PRKN: variants seen among roughly 807,000 people sequenced by gnomAD.
The protein encoded by PRKN is parkin RBR E3 ubiquitin protein ligase.
Under a neutral mutation model 59.5 loss-of-function variants are expected in PRKN, and 56 were observed. The observed-to-expected ratio is 0.94, with a 90% CI of 0.76 to 1.18. The LOEUF (loss-of-function observed/expected upper bound fraction) is 1.18, where lower values mean the gene tolerates loss of function less well. Among genes scored for constraint, PRKN ranks in the 50% most tolerant of loss-of-function variants. The pLI is 0.00. For missense variants in PRKN, 657 were observed against 596.4 expected, an observed-to-expected ratio of 1.10 and a Z score of -1.06; for synonymous variants, 250 against 222.1, an observed-to-expected ratio of 1.13 and a Z score of -1.12.
At chr6:161,721,913 T>A (rs1244669019) in intron 7 of PRKN, among the ~76,000 whole-genome samples, 1 of 152,208 alleles carries the variant, frequency 6.6e-6, no homozygotes, top group Non-Finnish European at 1.5e-5. Context: ...CAGGTCCGGA[T>A]AAAATGAGAA....
chr6:161,486,807 T>A (rs1562481303), intron 9 of PRKN, among the ~76,000 whole-genome samples: 3 of 152,216 alleles, frequency 2.0e-5, no homozygotes, highest in Admixed American at 6.5e-5. Context: ...TTAATATTAA[T>A]TTAAAGCACC....
rs925388930 is a variant in PRKN at position 161,419,562 on chromosome 6, A to AT, written c.1084-32686dup. 6.6e-6 allele frequency among the ~76,000 whole-genome samples: 1 copy of AT among 150,666 alleles called. No homozygotes were observed. The highest frequency in any genetic ancestry group is 1.5e-5 in the Non-Finnish European group (1 of 67,702). On this transcript the variant is annotated intron_variant, in intron 9 of 11. Transcript: ENST00000366898. This position sits in a 1 kb window ranked among gnomAD's most constrained non-coding sequence, Gnocchi z 4.1. ...GCCACTGCGCCTGGCTAATTTTTGTATTTTTTTAAAAAACGGGGTTTCACC... is the reference window on the plus strand; with the variant it reads ...GCCACTGCGCCTGGCTAATTTTTGTATTTTTTTTAAAAAACGGGGTTTCACC...
chr6:162,518,599 T>A (rs1777962048), intron 1 of PRKN, among the ~76,000 whole-genome samples: 1 of 152,116 alleles, frequency 6.6e-6, no homozygotes, highest in African/African-American at 2.4e-5. Flanking sequence ...ACTCCTGACC[T>A]CAAGTGATCC....
intron 7 of PRKN, among the ~76,000 whole-genome samples, chr6:161,570,124 T>TAAAAAAAAAAAAA (rs55699586): frequency 3.9e-5 from 2 of 51,442 alleles, no homozygotes; most frequent in African/African-American, 8.3e-5. Context: ...AGTAAATAGG[T>TAAAAAAAAAAAAA]AAAAAAAAAA....
At chr6:161,613,334 T>C (rs373361410) in intron 7 of PRKN, among the ~76,000 whole-genome samples, 3 of 151,914 alleles carry the variant, frequency 2.0e-5, no homozygotes, top group African/African-American at 7.2e-5. Flanking sequence ...AAACATGAAC[T>C]GATCAGGAGT....
intron 1 of PRKN, among the ~76,000 whole-genome samples, chr6:162,452,107 A>T (rs1790655160): frequency 6.6e-6 from 1 of 152,240 alleles, no homozygotes; most frequent in Non-Finnish European, 1.5e-5. Flanking sequence ...GGAAGAAAAC[A>T]AAAAGCAAAA....
At chr6:162,670,881 T>C (rs1027647280) in intron 1 of PRKN, among the ~76,000 whole-genome samples, 7 of 152,192 alleles carry the variant, frequency 4.6e-5, no homozygotes, top group Non-Finnish European at 7.3e-5. Context: ...TTTTATACTG[T>C]CTGATAAAAG....
At chr6:162,054,018 T>G in intron 5 of PRKN, 73 bp downstream of exon 5, 1 of 995,624 alleles carries the variant, frequency 1.0e-6, no homozygotes, top group Non-Finnish European at 1.6e-6. Context: ...ATTTTGTCTC[T>G]AATTTCCTGG....
intron 1 of PRKN, among the ~76,000 whole-genome samples, chr6:162,725,904 A>G (rs62429135): frequency 0.25 from 37,705 of 152,150 alleles, 5,865 homozygotes; most frequent in Non-Finnish European, 0.36. Context: ...GGATTTAATC[A>G]TTTATGTTGT....
chr6:162,496,645 G>T (rs1893108), intron 1 of PRKN, among the ~76,000 whole-genome samples: 47,973 of 152,012 alleles, frequency 0.32, 7,863 homozygotes, highest in East Asian at 0.47. Context: ...CTGGCTCCTC[G>T]CAATGATCCT....
At chr6:161,602,195 A>G (rs921141275) in intron 7 of PRKN, among the ~76,000 whole-genome samples, 8 of 152,076 alleles carry the variant, frequency 5.3e-5, no homozygotes, top group African/African-American at 1.7e-4. Flanking sequence ...CAATCAATCA[A>G]TCTAATCAAC....
intron 4 of PRKN, among the ~76,000 whole-genome samples, chr6:162,196,574 A>G (rs1351132928): frequency 6.6e-6 from 1 of 152,184 alleles, no homozygotes; most frequent in Non-Finnish European, 1.5e-5. Flanking sequence ...AAAGGATTAT[A>G]GTCTAGTCCA....
chr6:161,733,804 A>ATATATG lies in PRKN; in HGVS notation c.871+51967_871+51968insCATATA, dbSNP rs1554298529. Among the ~76,000 whole-genome samples, 1,232 of 128,988 alleles carry ATATATG rather than the reference A, an allele frequency of 9.6e-3. 46 individuals are homozygous for ATATATG. Among genetic ancestry groups the ATATATG allele is most frequent in the African/African-American group, 0.045 (1,164 of 25,654 alleles). 84.6% of individuals were successfully genotyped at this position (128,988 alleles called of 152,430 possible). The stretch of plus-strand genomic sequence containing the variant: ...AAAAAATATATATATATATGTATAT[A>ATATATG]TATATATATATATATATGTATTCCA... On this transcript the variant is annotated intron_variant, in intron 7 of 11. Coordinates refer to ENST00000366898, the MANE Select transcript of PRKN (RefSeq NM_004562.3).
At chr6:161,394,761 G>A (rs1786675672) in intron 9 of PRKN, among the ~76,000 whole-genome samples, 1 of 152,104 alleles carries the variant, frequency 6.6e-6, no homozygotes, top group South Asian at 2.1e-4. Context: ...CTTTCAACAG[G>A]CTGACCTCAG....
chr6:162,046,058 T>A (rs1297386318), intron 5 of PRKN, among the ~76,000 whole-genome samples: 2 of 152,220 alleles, frequency 1.3e-5, no homozygotes, highest in Non-Finnish European at 2.9e-5. Context: ...TTCCAGTAGA[T>A]CGATATGTAC....
chr6:162,312,133 A>T (rs1782542834), intron 2 of PRKN, among the ~76,000 whole-genome samples: 1 of 152,096 alleles, frequency 6.6e-6, no homozygotes, highest in Non-Finnish European at 1.5e-5. Context: ...ATTATTTAAG[A>T]TAACAAATGG....
At chr6:162,023,032 A>ACCC (rs1783270203) in intron 5 of PRKN, among the ~76,000 whole-genome samples, 1 of 152,082 alleles carries the variant, frequency 6.6e-6, no homozygotes, top group African/African-American at 2.4e-5. Flanking sequence ...TTTTTGTACC[A>ACCC]GTATTGAAAT....
At chr6:161,862,009 C>T (rs1189412796) in intron 6 of PRKN, among the ~76,000 whole-genome samples, 2 of 152,160 alleles carry the variant, frequency 1.3e-5, no homozygotes, top group African/African-American at 2.4e-5. Flanking sequence ...GGTGGCTGCC[C>T]TGGCATTCCT....
intron 1 of PRKN, among the ~76,000 whole-genome samples, chr6:162,457,110 C>A (rs1340249409): frequency 2.0e-5 from 3 of 152,186 alleles, no homozygotes; most frequent in Non-Finnish European, 2.9e-5. Flanking sequence ...TCTGCCATTT[C>A]TGTGAATGAC....
Sources: allele counts gnomAD v4.1 joint callset (sites outside exome capture counted in the v4.1 genomes callset), GRCh38; gene constraint gnomAD v4.1.1; non-coding constraint Gnocchi (gnomAD v3.1); transcripts MANE v1.5; gene names NCBI Gene and HGNC (gene_info 2026-07-23, HGNC 2026-07-21).